GAB1: variants seen among roughly 807,000 people sequenced by gnomAD.
GAB1 encodes the protein GRB2 associated binding protein 1, also known as GRB2-associated-binding protein 1.
Under a neutral mutation model 66.5 loss-of-function variants are expected in GAB1, and 19 were observed. That is an observed-to-expected ratio of 0.29 (90% CI 0.20 to 0.42). GAB1 has a LOEUF of 0.42. GAB1 is among the 10% of genes least tolerant of loss of function. The probability of loss-of-function intolerance (pLI) is 1.00; values close to 1 mark genes in which losing one functional copy is unlikely to be tolerated. For missense variants in GAB1, 732 were observed against 858.5 expected (o/e 0.85, Z 1.84); for synonymous variants, 294 against 301.4 (o/e 0.98, Z 0.25).
intron 2 of GAB1, among the ~76,000 whole-genome samples, chr4:143,426,314 C>T (rs1006229032): frequency 4.6e-5 from 7 of 152,178 alleles, no homozygotes; most frequent in Non-Finnish European, 7.3e-5. Context: ...CTTTGGGAGA[C>T]TGAGGCTGGA....
At chr4:143,409,725 A>G (rs1346415195) in intron 1 of GAB1, among the ~76,000 whole-genome samples, 1 of 152,160 alleles carries the variant, frequency 6.6e-6, no homozygotes, top group Non-Finnish European at 1.5e-5. Flanking sequence ...ACCTTGAAGA[A>G]TGAATTGGGT....
intron 1 of GAB1, among the ~76,000 whole-genome samples, chr4:143,338,775 A>G (rs1418739240): frequency 6.6e-6 from 1 of 151,530 alleles, no homozygotes; most frequent in Non-Finnish European, 1.5e-5. Flanking sequence ...AGATAAATAT[A>G]TTTGTTTTGA....
chr4:143,350,194 A>T, intron 1 of GAB1: 2 of 631,802 alleles, frequency 3.2e-6, no homozygotes, highest in South Asian at 3.7e-5. Flanking sequence ...TAAATGTATC[A>T]TGGGCCCCAA....
intron 1 of GAB1, among the ~76,000 whole-genome samples, chr4:143,368,438 C>T (rs1401653670): frequency 3.9e-5 from 6 of 152,148 alleles, no homozygotes; most frequent in Non-Finnish European, 5.9e-5. Context: ...AGTTTGAAAA[C>T]TTGTTGGAGT....
intron 4 of GAB1, chr4:143,439,540 C>A: frequency 2.6e-6 from 1 of 386,458 alleles, no homozygotes; most frequent in Non-Finnish European, 4.7e-6. Flanking sequence ...CTTTAGATAA[C>A]CTATCTTATC....
chr4:143,474,123 A>C lies in GAB1; in HGVS notation c.*4934A>C, dbSNP rs1247957560. ...ATTTTATTAGCTGTTGTGATTGGGT[A>C]ACATGTCCCCTTAGATTTCCTGATT... On this transcript the variant is annotated 3_prime_UTR_variant, in exon 10 of 10. Transcript: ENST00000262994. The C allele has an allele frequency of 1.3e-5, 2 of 152,196 alleles. No homozygotes were observed. Among genetic ancestry groups the C allele is most frequent in the Admixed American group, 1.3e-4 (2 of 15,276 alleles). The allele number at this position is 152,196 out of a possible 1,614,324, so 9.4% of individuals were successfully genotyped here.
intron 1 of GAB1, among the ~76,000 whole-genome samples, chr4:143,342,826 G>C (rs144586312): frequency 6.6e-6 from 1 of 152,056 alleles, no homozygotes; most frequent in African/African-American, 2.4e-5. Flanking sequence ...GCCTCCCAAA[G>C]TGCTGGGATT....
At chr4:143,440,682 C>T in intron 6 of GAB1, among the ~76,000 whole-genome samples, 1 of 152,104 alleles carries the variant, frequency 6.6e-6, no homozygotes, top group East Asian at 1.9e-4. Context: ...ACTGCCGTAG[C>T]CCCATCTAAT....
rs1736108177 is a variant in GAB1, at chr4:143,472,164, A to G, written c.*2975A>G. 6.6e-6 allele frequency: 1 copy of G among 152,164 alleles called. No individual in the cohort carries two copies. Among genetic ancestry groups the G allele is most frequent in the Non-Finnish European group, 1.5e-5 (1 of 68,016 alleles). The allele number at this position is 152,164 out of a possible 1,614,324, so 9.4% of individuals were successfully genotyped here. On this transcript the variant is annotated 3_prime_UTR_variant, in exon 10 of 10. Transcript: ENST00000262994. ...GATATCATTTAGTAAGATGTAAAAGATTTTTTAAATCTACACTTCAGTTTA... is the reference window on the plus strand; with the variant it reads ...GATATCATTTAGTAAGATGTAAAAGGTTTTTTAAATCTACACTTCAGTTTA...
At chr4:143,403,743 C>T (rs1223370688) in intron 1 of GAB1, among the ~76,000 whole-genome samples, 1 of 152,166 alleles carries the variant, frequency 6.6e-6, no homozygotes, top group African/African-American at 2.4e-5. Context: ...TGTACTTAGT[C>T]CTTCTCTTTA....
rs533170180 is a variant in GAB1 at position 143,474,519 on chromosome 4, T to C, written c.*5330T>C. On this transcript the variant is annotated 3_prime_UTR_variant, in exon 10 of 10. Transcript: ENST00000262994. ...CTGTGAATATATTTTGTAGATGTGA[T>C]TAACATTTACAATCAGTTGATTTTA... The C allele has an allele frequency of 1.3e-5, 2 of 152,302 alleles. No homozygotes were observed. The highest frequency in any genetic ancestry group is 4.8e-5 in the African/African-American group (2 of 41,558). 9.4% of individuals were successfully genotyped at this position (152,302 alleles called of 1,614,324 possible).
At position 143,433,836 on chromosome 4, in the gene GAB1, A is replaced by G. The variant is rs569087937; in HGVS notation, c.593+120A>G. 91 of 762,326 alleles carry G rather than the reference A, an allele frequency of 1.2e-4. 1 individual carries two copies. In the African/African-American group the frequency reaches 1.3e-3, roughly 11 times the overall value. 47.2% of individuals were successfully genotyped at this position (762,326 alleles called of 1,614,324 possible). A position where few individuals can be genotyped will look rare whatever the true frequency, so the allele number is the denominator to read the frequency against. ...TGCAGGCTTGAAAGAGACCATCTGT[A>G]TAGGCATATGTTTCAGGCTTTATAT... On this transcript the variant is annotated intron_variant, in intron 3 of 9. Transcript: ENST00000262994.
chr4:143,468,705 C>G (rs1735927449), intron 9 of GAB1, among the ~76,000 whole-genome samples: 1 of 151,632 alleles, frequency 6.6e-6, no homozygotes, highest in African/African-American at 2.4e-5. Flanking sequence ...GCGGATGGAT[C>G]TTGAGGTGAG....
intron 1 of GAB1, among the ~76,000 whole-genome samples, chr4:143,342,376 C>G (rs1030637086): frequency 6.6e-6 from 1 of 152,044 alleles, no homozygotes; most frequent in African/African-American, 2.4e-5. Context: ...TGACAAGTGA[C>G]TGGTTATTTC....
chr4:143,381,566 A>AT, intron 1 of GAB1, among the ~76,000 whole-genome samples: 1 of 152,156 alleles, frequency 6.6e-6, no homozygotes, highest in Admixed American at 6.5e-5. Context: ...GACTAATGGC[A>AT]TTTACCTAAT....
chr4:143,401,168 T>TA (rs1454287863), intron 1 of GAB1, among the ~76,000 whole-genome samples: 1 of 152,214 alleles, frequency 6.6e-6, no homozygotes, highest in Non-Finnish European at 1.5e-5. Flanking sequence ...AGTAAAGTTT[T>TA]AAAGTATAAA....
At chr4:143,446,912 G>A (rs1426152534) in intron 6 of GAB1, among the ~76,000 whole-genome samples, 1 of 151,486 alleles carries the variant, frequency 6.6e-6, no homozygotes, top group Non-Finnish European at 1.5e-5. Flanking sequence ...TTCTTCTAGG[G>A]TTTTTATGGT....
chr4:143,449,437 A>G (rs1364165616), intron 6 of GAB1, among the ~76,000 whole-genome samples: 1 of 151,724 alleles, frequency 6.6e-6, no homozygotes, highest in Non-Finnish European at 1.5e-5. Context: ...GTCTCTTTGT[A>G]GGTCACTCAG....
intron 1 of GAB1, among the ~76,000 whole-genome samples, chr4:143,364,294 G>A (rs971088993): frequency 6.6e-6 from 1 of 151,962 alleles, no homozygotes; most frequent in African/African-American, 2.4e-5. Context: ...ACGTGCATGG[G>A]CTTGTGAAAT....
Sources: allele counts gnomAD v4.1 joint callset (sites outside exome capture counted in the v4.1 genomes callset), GRCh38; gene constraint gnomAD v4.1.1; transcripts MANE v1.5; gene names NCBI Gene and HGNC (gene_info 2026-07-23, HGNC 2026-07-21).